PTPRN2: variants seen among roughly 807,000 people sequenced by gnomAD.
PTPRN2 encodes receptor-type tyrosine-protein phosphatase N2.
PTPRN2 carries 74 observed loss-of-function variants against 118.8 expected under a neutral mutation model. The ratio of observed to expected loss-of-function variants is 0.62; its 90% confidence interval spans 0.52 to 0.76. The LOEUF (loss-of-function observed/expected upper bound fraction) is 0.76, where lower values mean the gene tolerates loss of function less well. PTPRN2 is among the 30% of genes least tolerant of loss of function. The pLI is 0.00. For missense variants in PTPRN2, 1,481 were observed against 1,394.4 expected (o/e 1.06, Z -0.99); for synonymous variants, 641 against 608.0 (o/e 1.05, Z -0.80).
chr7:158,261,756 C>T (rs1264136821), intron 3 of PTPRN2, among the ~76,000 whole-genome samples: 1 of 152,238 alleles, frequency 6.6e-6, no homozygotes, highest in Non-Finnish European at 1.5e-5. Flanking sequence ...GCAGAAGCCT[C>T]TTCAGGGCAC....
intron 13 of PTPRN2, among the ~76,000 whole-genome samples, chr7:157,678,560 C>T (rs1172778785): frequency 1.3e-5 from 2 of 152,216 alleles, no homozygotes; most frequent in African/African-American, 4.8e-5. Flanking sequence ...GTCAACTGAG[C>T]ACCCTCAGAT....
chr7:157,784,622 C>T lies in PTPRN2; in HGVS notation c.1789-101685G>A, dbSNP rs191513661. On this transcript the variant is annotated intron_variant, in intron 12 of 22. Transcript: ENST00000389418. This position sits in a 1 kb window ranked among gnomAD's most constrained non-coding sequence, Gnocchi z 4.6. ...AAACGGGCAGGGGCTGGGCTGATCC[C>T]ATATGAAACGGGCAGGGGCTGGGCT... Among the ~76,000 whole-genome samples the T allele has an allele frequency of 2.8e-3, 337 of 121,816 alleles. 2 individuals are homozygous for T. The highest frequency in any genetic ancestry group is 9.8e-3 in the African/African-American group (321 of 32,840). The allele number at this position is 121,816 out of a possible 152,430, so 79.9% of individuals were successfully genotyped here. A position where few individuals can be genotyped will look rare whatever the true frequency, so the allele number is the denominator to read the frequency against.
chr7:157,718,062 G>A (rs1031799743), intron 12 of PTPRN2, among the ~76,000 whole-genome samples: 1 of 152,240 alleles, frequency 6.6e-6, no homozygotes, highest in Non-Finnish European at 1.5e-5. Context: ...TGTGAGTGGT[G>A]AGGTCTCTCT....
chr7:158,054,423 A>C (rs1809623318), intron 11 of PTPRN2, among the ~76,000 whole-genome samples: 1 of 152,206 alleles, frequency 6.6e-6, no homozygotes, highest in Admixed American at 6.5e-5. Flanking sequence ...GGGATGGGGG[A>C]CAGAGCAAGA....
chr7:158,296,271 G>C (rs747285723), intron 3 of PTPRN2, among the ~76,000 whole-genome samples: 2 of 152,134 alleles, frequency 1.3e-5, no homozygotes, highest in Non-Finnish European at 2.9e-5. Flanking sequence ...GGAGCACACC[G>C]GCAGAAGAAC....
At chr7:157,960,840 C>G (rs550179917) in intron 11 of PTPRN2, among the ~76,000 whole-genome samples, 17 of 151,950 alleles carry the variant, frequency 1.1e-4, no homozygotes, top group Non-Finnish European at 1.6e-4. Context: ...AACCCCGTCT[C>G]TACTAAAAAT....
At chr7:158,001,827 C>T (rs544584136) in intron 11 of PTPRN2, among the ~76,000 whole-genome samples, 20 of 152,344 alleles carry the variant, frequency 1.3e-4, no homozygotes, top group African/African-American at 4.6e-4. Flanking sequence ...TGCCCTCACC[C>T]GGAACCGTGC....
intron 12 of PTPRN2, among the ~76,000 whole-genome samples, chr7:157,791,447 T>C (rs1318218497): frequency 6.6e-6 from 1 of 152,254 alleles, no homozygotes; most frequent in African/African-American, 2.4e-5. Context: ...AGGTCGGGAC[T>C]GGTGCAGGCG....
chr7:157,683,887 C>G (rs1797034970), intron 12 of PTPRN2, among the ~76,000 whole-genome samples: 1 of 152,172 alleles, frequency 6.6e-6, no homozygotes, highest in Non-Finnish European at 1.5e-5. Flanking sequence ...CACGCCCGGC[C>G]TTGGTCCTGG....
chr7:158,332,105 C>G (rs1293845132), intron 2 of PTPRN2, among the ~76,000 whole-genome samples: 1 of 148,298 alleles, frequency 6.7e-6, no homozygotes, highest in Non-Finnish European at 1.5e-5. Context: ...AGAGCTGAGG[C>G]CCACAGAGGT....
chr7:157,914,145 T>G (rs902163841), intron 11 of PTPRN2, among the ~76,000 whole-genome samples: 1 of 152,254 alleles, frequency 6.6e-6, no homozygotes, highest in African/African-American at 2.4e-5. Context: ...TTGTTTATGA[T>G]TCCCTCCTCT....
At chr7:157,675,791 C>A (rs552265291) in intron 13 of PTPRN2, among the ~76,000 whole-genome samples, 1 of 152,152 alleles carries the variant, frequency 6.6e-6, no homozygotes, top group Non-Finnish European at 1.5e-5. Flanking sequence ...ATCCGCATGG[C>A]GGCCCAAGAG....
intron 12 of PTPRN2, among the ~76,000 whole-genome samples, chr7:157,872,503 A>G (rs997666586): frequency 2.0e-5 from 3 of 150,560 alleles, no homozygotes; most frequent in African/African-American, 7.4e-5. Context: ...TGTCCTCCCC[A>G]CACACGCATA....
chr7:157,836,998 TCCATCCACCCAC>T (rs1217698617), intron 12 of PTPRN2, among the ~76,000 whole-genome samples: 2 of 118,900 alleles, frequency 1.7e-5, no homozygotes, highest in African/African-American at 6.6e-5. Context: ...CATGCATCCC[TCCATCCACCCAC>T]CCATCCACCC....
intron 11 of PTPRN2, among the ~76,000 whole-genome samples, chr7:158,010,067 C>T (rs915143925): frequency 6.6e-6 from 1 of 152,212 alleles, no homozygotes; most frequent in Non-Finnish European, 1.5e-5. Context: ...CCCCGTAGAG[C>T]ACTTCATCTT....
intron 6 of PTPRN2, among the ~76,000 whole-genome samples, chr7:158,149,032 C>G (rs1186352170): frequency 7.4e-6 from 1 of 134,868 alleles, no homozygotes; most frequent in African/African-American, 2.9e-5. Flanking sequence ...CGCCACGTGT[C>G]TTTCCCTCTC....
intron 2 of PTPRN2, among the ~76,000 whole-genome samples, chr7:158,480,132 G>C (rs536515855): frequency 1.3e-5 from 2 of 152,214 alleles, no homozygotes; most frequent in African/African-American, 4.8e-5. Context: ...TCCACGTCGC[G>C]GGGGTTGCGT....
At position 158,404,864 on chromosome 7, in the gene PTPRN2, C is replaced by T. The variant is rs186958254; in HGVS notation, c.163+84871G>A. Among the ~76,000 whole-genome samples, 933 of 133,442 alleles carry T rather than the reference C, an allele frequency of 7.0e-3. 31 individuals are homozygous for T. The highest frequency in any genetic ancestry group is 0.01 in the East Asian group (43 of 4,210). 87.5% of individuals were successfully genotyped at this position (133,442 alleles called of 152,430 possible). A position where few individuals can be genotyped will look rare whatever the true frequency, so the allele number is the denominator to read the frequency against. ...GCTCCCCGGCCTCCAGCTCCCCAGC[C>T]CCCAGCTCCCTGGCCTCCAGCTCCT... On this transcript the variant is annotated intron_variant, in intron 2 of 22. Coordinates refer to ENST00000389418, the MANE Select transcript of PTPRN2 (RefSeq NM_002847.5).
chr7:158,473,454 T>C (rs923668564), intron 2 of PTPRN2, among the ~76,000 whole-genome samples: 1 of 152,234 alleles, frequency 6.6e-6, no homozygotes, highest in African/African-American at 2.4e-5. Flanking sequence ...CGGCCTCTGC[T>C]GTGTCTGTGC....
Sources: allele counts gnomAD v4.1 joint callset (sites outside exome capture counted in the v4.1 genomes callset), GRCh38; gene constraint gnomAD v4.1.1; non-coding constraint Gnocchi (gnomAD v3.1); transcripts MANE v1.5; gene names NCBI Gene and HGNC (gene_info 2026-07-23, HGNC 2026-07-21).